Variants in CDH18 observed in about 807,000 individuals in gnomAD.
CDH18 encodes cadherin 18.
In CDH18, 31 loss-of-function variants were observed where a neutral mutation model predicts 67.9. The observed-to-expected ratio is 0.46, with a 90% CI of 0.34 to 0.62. The LOEUF (loss-of-function observed/expected upper bound fraction) is 0.62, where lower values mean the gene tolerates loss of function less well. Among genes scored for constraint, CDH18 ranks in the 20% least tolerant of loss-of-function variants. The pLI is 0.01. For missense variants in CDH18, 890 were observed against 975.5 expected (o/e 0.91, Z 1.17); for synonymous variants, 362 against 347.2 (o/e 1.04, Z -0.48).
intron 4 of CDH18, among the ~76,000 whole-genome samples, chr5:19,744,427 G>T (rs1769681670): frequency 6.6e-6 from 1 of 151,454 alleles, no homozygotes; most frequent in Non-Finnish European, 1.5e-5. Context: ...ATTACTTTAT[G>T]CCTTATGATT....
At chr5:19,840,282 A>G (rs1782146628) in intron 2 of CDH18, among the ~76,000 whole-genome samples, 1 of 50,906 alleles carries the variant, frequency 2.0e-5, no homozygotes, top group African/African-American at 5.0e-5. Flanking sequence ...CTCAAAAAAA[A>G]AAAAAGAAAA....
chr5:19,790,882 G>A (rs1039368948), intron 3 of CDH18, among the ~76,000 whole-genome samples: 3 of 152,072 alleles, frequency 2.0e-5, no homozygotes, highest in African/African-American at 7.2e-5. Flanking sequence ...CAGATGAGGA[G>A]CTGACAAGAC....
chr5:20,101,561 A>G (rs114647750), intron 2 of CDH18, among the ~76,000 whole-genome samples: 1 of 152,312 alleles, frequency 6.6e-6, no homozygotes, highest in African/African-American at 2.4e-5. Context: ...TAAGGCATCA[A>G]AGGAGTAACA....
At chr5:19,680,994 G>A (rs1419859970) in intron 5 of CDH18, among the ~76,000 whole-genome samples, 2 of 151,790 alleles carry the variant, frequency 1.3e-5, no homozygotes, top group South Asian at 2.1e-4. Flanking sequence ...TTATAATAGC[G>A]ATGACGTGGA....
At chr5:20,367,111 A>C in intron 1 of CDH18, among the ~76,000 whole-genome samples, 1 of 152,142 alleles carries the variant, frequency 6.6e-6, no homozygotes, top group Non-Finnish European at 1.5e-5. Context: ...GCTCTCATGC[A>C]CTAAACAGTA....
chr5:20,506,672 G>C lies in CDH18; in HGVS notation c.-580+68790C>G, dbSNP rs567406566. Reference sequence around the variant, plus strand: ...CCACACCCAGACTCCTGACCCACAGGAACTGTGAGCTACTAAATGTGTAGT... The same window carrying C: ...CCACACCCAGACTCCTGACCCACAGCAACTGTGAGCTACTAAATGTGTAGT... On this transcript the variant is annotated intron_variant, in intron 1 of 14. Coordinates refer to the CDH18 transcript ENST00000507958. Among the ~76,000 whole-genome samples, 3 of 152,334 alleles carry C rather than the reference G, an allele frequency of 2.0e-5. No homozygotes were observed. The South Asian group carries it at 6.2e-4, about 32-fold the overall frequency.
At chr5:20,142,303 G>A (rs1197887949) in intron 2 of CDH18, among the ~76,000 whole-genome samples, 4 of 152,114 alleles carry the variant, frequency 2.6e-5, no homozygotes, top group Non-Finnish European at 5.9e-5. Flanking sequence ...ATCCAGCCCA[G>A]TTGTGGTGGT....
intron 2 of CDH18, among the ~76,000 whole-genome samples, chr5:19,924,858 A>G (rs930269753): frequency 6.6e-6 from 1 of 152,092 alleles, no homozygotes; most frequent in African/African-American, 2.4e-5. Flanking sequence ...CTTTAGGTGG[A>G]ATTAAGCTTC....
chr5:19,634,797 C>T (rs1404303657), intron 5 of CDH18, among the ~76,000 whole-genome samples: 9 of 151,840 alleles, frequency 5.9e-5, no homozygotes, highest in African/African-American at 2.2e-4. Context: ...ATTAGCCTGG[C>T]GTGGTGGCAC....
chr5:20,199,173 C>T (rs1050353641), intron 2 of CDH18, among the ~76,000 whole-genome samples: 2 of 152,136 alleles, frequency 1.3e-5, no homozygotes, highest in African/African-American at 4.8e-5. Context: ...AGAATGAGAG[C>T]TCCAATAACA....
chr5:20,496,418 GT>G (rs1246617757), intron 1 of CDH18, among the ~76,000 whole-genome samples: 1 of 152,054 alleles, frequency 6.6e-6, no homozygotes, highest in Non-Finnish European at 1.5e-5. Context: ...GTGGATTAAT[GT>G]CTGCCAATCC....
chr5:20,227,122 C>G (rs1040467742), intron 2 of CDH18, among the ~76,000 whole-genome samples: 1 of 152,078 alleles, frequency 6.6e-6, no homozygotes, highest in Admixed American at 6.6e-5. Flanking sequence ...GTAACATCAA[C>G]ATACTCATGT....
intron 1 of CDH18, among the ~76,000 whole-genome samples, chr5:20,318,155 A>G (rs1355166499): frequency 6.6e-6 from 1 of 152,170 alleles, no homozygotes; most frequent in African/African-American, 2.4e-5. Flanking sequence ...ACCTCTGGGA[A>G]ATGCTGATCT....
chr5:19,610,430 T>C (rs1245865213), intron 6 of CDH18, among the ~76,000 whole-genome samples: 1 of 152,098 alleles, frequency 6.6e-6, no homozygotes, highest in Non-Finnish European at 1.5e-5. Flanking sequence ...ATTAAAATTT[T>C]CTGTACATCT....
Position 20,279,699 on chromosome 5 carries a change from C to CAAAAAAAAAAAAAAAAAA in CDH18, c.-579-24212_-579-24195dup, listed in dbSNP as rs1189257278. 1.0e-3 allele frequency among the ~76,000 whole-genome samples: 14 copies of CAAAAAAAAAAAAAAAAAA among 13,600 alleles called. 3 individuals are homozygous for CAAAAAAAAAAAAAAAAAA. The highest frequency in any genetic ancestry group is 1.3e-3 in the Admixed American group (1 of 742). 8.9% of individuals were successfully genotyped at this position (13,600 alleles called of 152,430 possible). On this transcript the variant is annotated intron_variant, in intron 1 of 14. Transcript: ENST00000507958. ...GGGTGACAAAAGAGAAGCTCTGTCT[C>CAAAAAAAAAAAAAAAAAA]AAAAAAAAAAAAAAAAAAAAAAAAA...
intron 4 of CDH18, among the ~76,000 whole-genome samples, chr5:19,724,237 A>G (rs1370189612): frequency 6.6e-6 from 1 of 152,196 alleles, no homozygotes; most frequent in Admixed American, 6.5e-5. Context: ...TCAGGGAATC[A>G]ACTAAATGAA....
chr5:20,402,691 C>A (rs1237094429), intron 1 of CDH18, among the ~76,000 whole-genome samples: 2 of 152,108 alleles, frequency 1.3e-5, no homozygotes, highest in Non-Finnish European at 2.9e-5. Context: ...AAGTAACAAT[C>A]TTTTCGCTGC....
intron 1 of CDH18, among the ~76,000 whole-genome samples, chr5:20,386,119 G>T (rs1253698757): frequency 6.6e-6 from 1 of 152,154 alleles, no homozygotes; most frequent in Non-Finnish European, 1.5e-5. Context: ...CTCAAGGAAG[G>T]AAATGTCATT....
At chr5:20,329,604 AAC>A (rs954428829) in intron 1 of CDH18, among the ~76,000 whole-genome samples, 1 of 151,380 alleles carries the variant, frequency 6.6e-6, no homozygotes, top group African/African-American at 2.4e-5. Flanking sequence ...CTCTACTAAA[AAC>A]ACACACACAC....
Sources: allele counts gnomAD v4.1 joint callset (sites outside exome capture counted in the v4.1 genomes callset), GRCh38; gene constraint gnomAD v4.1.1; transcripts MANE v1.5; gene names NCBI Gene and HGNC (gene_info 2026-07-23, HGNC 2026-07-21).